DCDC2: variants seen among roughly 807,000 people sequenced by gnomAD.
DCDC2 encodes doublecortin domain-containing protein 2.
A neutral mutation model predicts 50.2 loss-of-function variants in DCDC2; 40 were observed. The observed-to-expected ratio is 0.80, with a 90% confidence interval of 0.62 to 1.04. The LOEUF is 1.04. Ranked by LOEUF, DCDC2 falls within the 50% of genes least tolerant of loss-of-function variation. The probability of loss-of-function intolerance (pLI) is 0.00; values close to 1 mark genes in which losing one functional copy is unlikely to be tolerated. For synonymous variants in DCDC2, 234 were observed against 210.6 expected (o/e 1.11, Z -0.96); for missense variants, 570 against 581.9 (o/e 0.98, Z 0.21).
Position 24,301,828 on chromosome 6 carries a change from G to A in DCDC2, c.444C>T (p.Asp148=), listed in dbSNP as rs773615720. ...PCTIFLIANG[D]LINPASRLLI... The stretch of plus-strand genomic sequence containing the variant: ...GGAGGCGAGAAGCTGGGTTTATGAG[G>A]TCTCCATTTGCAATCAAGCTGGAAA... Residue 148 remains aspartate, a synonymous_variant, in exon 4 of 10, where the codon GAC becomes GAT. Coordinates refer to ENST00000378454, the MANE Select transcript of DCDC2 (RefSeq NM_016356.5). The A allele has an allele frequency of 9.9e-6, 16 of 1,614,028 alleles. No homozygotes were observed. The highest frequency in any genetic ancestry group is 1.3e-5 in the Non-Finnish European group (15 of 1,180,032).
intron 8 of DCDC2, among the ~76,000 whole-genome samples, chr6:24,186,687 T>C (rs1383438408): frequency 6.6e-6 from 1 of 152,154 alleles, no homozygotes; most frequent in Non-Finnish European, 1.5e-5. Context: ...ACTGATCATG[T>C]TTCTTACGGA....
At chr6:24,226,181 C>T (rs1762230173) in intron 7 of DCDC2, among the ~76,000 whole-genome samples, 1 of 152,198 alleles carries the variant, frequency 6.6e-6, no homozygotes, top group Non-Finnish European at 1.5e-5. Flanking sequence ...TGCCTCAAAT[C>T]TCCAAGATTC....
At chr6:24,357,408 C>G in intron 1 of DCDC2, 50 bp downstream of exon 1, 2 of 1,531,396 alleles carry the variant, frequency 1.3e-6, no homozygotes, top group Non-Finnish European at 1.8e-6. Flanking sequence ...CATATCAACC[C>G]CACACTATAG....
chr6:24,313,429 C>T (rs1019669575), intron 2 of DCDC2, among the ~76,000 whole-genome samples: 2 of 151,928 alleles, frequency 1.3e-5, no homozygotes, highest in Non-Finnish European at 2.9e-5. Flanking sequence ...CTTTTGTATT[C>T]TTTCTTAACT....
intron 4 of DCDC2, among the ~76,000 whole-genome samples, chr6:24,300,374 C>T (rs62400418): frequency 0.047 from 7,090 of 152,050 alleles, 221 homozygotes; most frequent in Non-Finnish European, 0.069. Flanking sequence ...ACAGCGAGAC[C>T]CTGTCTCAAA....
At chr6:24,243,186 C>G (rs553482872) in intron 7 of DCDC2, among the ~76,000 whole-genome samples, 1 of 152,272 alleles carries the variant, frequency 6.6e-6, no homozygotes, top group South Asian at 2.1e-4. Context: ...TAAAGCAGAA[C>G]AGAGAAACAA....
chr6:24,348,359 A>T (rs889895243), intron 2 of DCDC2, among the ~76,000 whole-genome samples: 3 of 152,204 alleles, frequency 2.0e-5, no homozygotes, highest in African/African-American at 4.8e-5. Context: ...TCCGTAAAAG[A>T]TGGGAATAGC....
At chr6:24,291,441 T>C (rs986793901) in intron 4 of DCDC2, among the ~76,000 whole-genome samples, 6 of 151,714 alleles carry the variant, frequency 4.0e-5, no homozygotes, top group Non-Finnish European at 5.9e-5. Flanking sequence ...TCTGTTTCCA[T>C]TGAACATTGA....
At chr6:24,193,017 G>T (rs1394267624) in intron 8 of DCDC2, among the ~76,000 whole-genome samples, 1 of 151,922 alleles carries the variant, frequency 6.6e-6, no homozygotes, top group African/African-American at 2.4e-5. Flanking sequence ...AGGAAAAAGG[G>T]TTACATTTAA....
At chr6:24,236,927 TG>T (rs1762452719) in intron 7 of DCDC2, among the ~76,000 whole-genome samples, 3 of 151,834 alleles carry the variant, frequency 2.0e-5, no homozygotes, top group Non-Finnish European at 2.9e-5. Flanking sequence ...GAGAATCGCT[TG>T]AATCTGGGAG....
chr6:24,182,629 G>GAAAAA (rs71002473), intron 8 of DCDC2, among the ~76,000 whole-genome samples: 1,254 of 105,896 alleles, frequency 0.012, 58 homozygotes, highest in African/African-American at 0.037. Flanking sequence ...ATGATGACAA[G>GAAAAA]AAAAAAAAAA....
At chr6:24,270,180 C>A (rs1420601716) in intron 7 of DCDC2, among the ~76,000 whole-genome samples, 2 of 152,148 alleles carry the variant, frequency 1.3e-5, no homozygotes, top group Admixed American at 1.3e-4. Context: ...CACCTCTTAA[C>A]CAGCAGCTAT....
Position 24,178,585 on chromosome 6 carries a change from G to A in DCDC2, c.1071C>T (p.Asn357=). ...AGTCTTCTTTCTGTTCTGCATCCTT[G>A]TTTGCCTTCTCTCCATCTTCTTCCT... ...VDEEEDGEKA[N]KDAEQKEDFS... is the part of the protein sequence containing the mutation. Residue 357 remains asparagine (N), a synonymous_variant, in exon 9 of 10, where the codon AAC becomes AAT. Transcript: ENST00000378454. 1 of 1,613,856 alleles carries A rather than the reference G, an allele frequency of 6.2e-7. No homozygotes were observed. Among genetic ancestry groups the A allele is most frequent in the Non-Finnish European group, 8.5e-7 (1 of 1,179,960 alleles).
chr6:24,312,124 C>T (rs1374627149), intron 2 of DCDC2, among the ~76,000 whole-genome samples: 1 of 151,534 alleles, frequency 6.6e-6, no homozygotes, highest in Non-Finnish European at 1.5e-5. Context: ...CACCTTGTGA[C>T]CCCCACCCCC....
At chr6:24,264,620 C>T (rs1337648674) in intron 7 of DCDC2, among the ~76,000 whole-genome samples, 2 of 150,784 alleles carry the variant, frequency 1.3e-5, no homozygotes, top group African/African-American at 4.9e-5. Context: ...CAAAAAAAAA[C>T]TACAACAGAT....
chr6:24,369,428 G>A, the DCDC2 span, among the ~76,000 whole-genome samples: 2 of 152,016 alleles, frequency 1.3e-5, no homozygotes, highest in African/African-American at 4.8e-5. Context: ...GGCCAACATG[G>A]TGATACCCCG....
At chr6:24,289,822 A>G (rs1184147820) in intron 5 of DCDC2, among the ~76,000 whole-genome samples, 2 of 152,102 alleles carry the variant, frequency 1.3e-5, no homozygotes, top group Non-Finnish European at 1.5e-5. Flanking sequence ...CACTGGTGAT[A>G]TTCTGCTCTA....
chr6:24,238,371 T>C (rs1456688269), intron 7 of DCDC2, among the ~76,000 whole-genome samples: 1 of 151,316 alleles, frequency 6.6e-6, no homozygotes, highest in East Asian at 2.0e-4. Flanking sequence ...CGATCTTGGC[T>C]CACTGCAACC....
intron 7 of DCDC2, 69 bp from the exon 8 acceptor site, chr6:24,205,171 A>T: frequency 6.2e-7 from 1 of 1,614,168 alleles, no homozygotes; most frequent in South Asian, 1.1e-5. Context: ...TGCTGGAATT[A>T]CAATCAAATG....
Sources: allele counts gnomAD v4.1 joint callset (sites outside exome capture counted in the v4.1 genomes callset), GRCh38; gene constraint gnomAD v4.1.1; transcripts MANE v1.5; gene names NCBI Gene and HGNC (gene_info 2026-07-23, HGNC 2026-07-21).